Variants in PADI2 observed in about 807,000 individuals in gnomAD.
PADI2 encodes the protein protein-arginine deiminase type-2.
PADI2 carries 70 observed loss-of-function variants against 81.1 expected under a neutral mutation model. The observed-to-expected ratio is 0.86, with a 90% CI of 0.71 to 1.05. PADI2 has a LOEUF of 1.05. PADI2 is among the 50% of genes least tolerant of loss of function. The pLI is 0.00. For synonymous variants in PADI2, 338 were observed against 358.0 expected, an observed-to-expected ratio of 0.94 and a Z score of 0.63; for missense variants, 853 against 889.9, an observed-to-expected ratio of 0.96 and a Z score of 0.53.
intron 3 of PADI2, 100 bp from the exon 4 acceptor site, chr1:17,096,070 A>C (rs1930916364): frequency 9.4e-6 from 8 of 850,584 alleles, no homozygotes; most frequent in Non-Finnish European, 1.3e-5. Context: ...TCAGCCATTC[A>C]TTTGGTCACG....
intron 1 of PADI2, among the ~76,000 whole-genome samples, chr1:17,118,949 G>A (rs1030040566): frequency 2.0e-5 from 3 of 152,102 alleles, no homozygotes; most frequent in Non-Finnish European, 2.9e-5. Context: ...GGGAGAGGAC[G>A]GCAGGGAAGC....
In PADI2 at chr1:17,086,662, G is replaced by T; in HGVS notation, c.693C>A (p.Gly231=). The stretch of plus-strand genomic sequence containing the variant: ...TGACCACATGGTAGAGCTTCCGCCG[G>T]CCCAGGATGTGGATATAGCGTTGGC... ...FFGQRYIHIL[G]RRKLYHVVKY... is the part of the protein sequence containing the mutation. Residue 231 remains glycine, a synonymous_variant, in exon 7 of 16, where the codon GGC becomes GGA. Coordinates refer to ENST00000375486, the MANE Select transcript of PADI2 (RefSeq NM_007365.3). The T allele has an allele frequency of 3.1e-6, 5 of 1,614,038 alleles. No individual in the cohort carries two copies. The South Asian group carries it at 5.5e-5, about 18-fold the overall frequency.
rs1378461004 is a variant in PADI2, at chr1:17,068,538, G to T, written c.*506C>A. 4 of 164,316 alleles carry T rather than the reference G, an allele frequency of 2.4e-5. No individual in the cohort carries two copies. The highest frequency in any genetic ancestry group is 5.8e-5 in the Admixed American group (1 of 17,362). 10.2% of individuals were successfully genotyped at this position (164,316 alleles called of 1,614,324 possible). On this transcript the variant is annotated 3_prime_UTR_variant, in exon 16 of 16. Transcript: ENST00000375486. ...GGTTGGTAAGGAATGAATAATTGGG[G>T]GTGGCCACCTGGAAACCCTGAGGGA... is the stretch of plus-strand genomic sequence containing the variant.
Position 17,082,565 on chromosome 1 carries a change from A to G in PADI2, c.1138T>C (p.Phe380Leu). 1 of 1,611,510 alleles carries G rather than the reference A, an allele frequency of 6.2e-7. No individual in the cohort carries two copies. The highest frequency in any genetic ancestry group is 1.1e-5 in the South Asian group (1 of 91,006). The change falls in exon 10 of 16, where the codon TTC (phenylalanine) becomes CTC (leucine). Residue 380 changes from phenylalanine (F) to leucine (L), a missense_variant. Physicochemically the swap from Phe to Leu is conservative, Grantham distance 22. Transcript: ENST00000375486. The stretch of plus-strand genomic sequence containing the variant: ...CTTACCAGGAGCTCCTTCACAGGGA[A>G]GTCCTTTAGGTTTCCATCTCGGGGA... The part of the protein sequence containing the change: ...DSPRDGNLKD[F>L]PVKELLGPDF...
intron 1 of PADI2, among the ~76,000 whole-genome samples, chr1:17,114,999 G>A (rs1425610431): frequency 6.6e-6 from 1 of 152,138 alleles, no homozygotes; most frequent in Non-Finnish European, 1.5e-5. Context: ...CCCCCATCAT[G>A]GAAAACTGGA....
intron 4 of PADI2, 102 bp from the exon 5 acceptor site, chr1:17,093,786 G>A (rs906725484): frequency 3.3e-5 from 22 of 676,558 alleles, no homozygotes; most frequent in African/African-American, 1.4e-4. Context: ...AAGAGTAGCC[G>A]CCACCCACTG....
At chr1:17,107,019 G>A (rs1227541626) in intron 1 of PADI2, among the ~76,000 whole-genome samples, 1 of 152,156 alleles carries the variant, frequency 6.6e-6, no homozygotes, top group Non-Finnish European at 1.5e-5. Flanking sequence ...TTTTGTTGTT[G>A]GCTTAAGGAG....
At chr1:17,072,615 C>G (rs1232711971) in intron 13 of PADI2, among the ~76,000 whole-genome samples, 2 of 152,224 alleles carry the variant, frequency 1.3e-5, no homozygotes, top group Non-Finnish European at 2.9e-5. Flanking sequence ...CGCATCCTCT[C>G]TCTGTCTGTC....
At chr1:17,111,715 C>G (rs1280963434) in intron 1 of PADI2, among the ~76,000 whole-genome samples, 1 of 152,140 alleles carries the variant, frequency 6.6e-6, no homozygotes, top group Non-Finnish European at 1.5e-5. Context: ...TGGGGTGGGA[C>G]CTGAGAAACT....
intron 5 of PADI2, among the ~76,000 whole-genome samples, chr1:17,092,954 AAAAAAAAAAG>A (rs1415332030): frequency 3.3e-5 from 5 of 151,474 alleles, no homozygotes; most frequent in South Asian, 2.1e-4. Context: ...GTCTCAAAAA[AAAAAAAAAAG>A]AAAAAAAAAG....
At chr1:17,100,721 G>T (rs1324168784) in intron 3 of PADI2, among the ~76,000 whole-genome samples, 1 of 150,650 alleles carries the variant, frequency 6.6e-6, no homozygotes, top group Non-Finnish European at 1.5e-5. Context: ...GAGGGCAGTG[G>T]CACCATCTTG....
Position 17,119,414 on chromosome 1 carries a change from G to T in PADI2, c.-43C>A. On this transcript the variant is annotated 5_prime_UTR_variant, in exon 1 of 16. Coordinates refer to ENST00000375486, the MANE Select transcript of PADI2 (RefSeq NM_007365.3). The surrounding 1 kb of genome is among the most constrained non-coding windows in gnomAD (Gnocchi z 4.8). ...CCGCGCTCGCTGGTCCGGGGCGGCC[G>T]GGAGCACCTGCAGCAGGTGCGCCTT... is the stretch of plus-strand genomic sequence containing the variant. The T allele has an allele frequency of 1.4e-6, 2 of 1,433,518 alleles. No individual in the cohort carries two copies. Among genetic ancestry groups the T allele is most frequent in the Non-Finnish European group, 1.9e-6 (2 of 1,061,362 alleles). The allele number at this position is 1,433,518 out of a possible 1,614,324, so 88.8% of individuals were successfully genotyped here.
chr1:17,093,618 G>T lies in PADI2; in HGVS notation c.478C>A (p.Pro160Thr), dbSNP rs1013935356. 9 of 1,613,956 alleles carry T rather than the reference G, an allele frequency of 5.6e-6. No homozygotes were observed. In the African/African-American group the frequency reaches 6.7e-5, roughly 12 times the overall value. The change falls in exon 5 of 16, where the codon CCC (proline) becomes ACC (threonine). Residue 160 changes from proline (P) to threonine (T), a missense_variant. Pro to Thr is a conservative substitution (Grantham distance 38, BLOSUM62 -1). Coordinates refer to ENST00000375486, the MANE Select transcript of PADI2 (RefSeq NM_007365.3). The stretch of plus-strand genomic sequence containing the variant: ...CGGCAGTCCTCCTTGGGCAACCAGG[G>T]TGTCTCTCGGTCACAGTTCACCAGC... ...ILLVNCDRET[P>T]WLPKEDCRDE...
rs771750732 is a variant in PADI2 at position 17,079,366 on chromosome 1, G to T, written c.1208C>A (p.Thr403Asn). The T allele has an allele frequency of 6.2e-7, 1 of 1,614,054 alleles. No individual in the cohort carries two copies. The highest frequency in any genetic ancestry group is 1.7e-5 in the Admixed American group (1 of 60,016). Residue 403 changes from threonine (T) to asparagine (N), a missense_variant, in exon 11 of 16, where the codon ACC becomes AAC. By Grantham distance (65) the Thr-to-Asn change is moderately conservative (BLOSUM62 0). Transcript: ENST00000375486. ...VTREPLFESV[T>N]SLDSFGNLEV... is the part of the protein sequence containing the mutation. ...CAGGTTTCCAAATGAGTCAAGGCTG[G>T]TGACAGACTCAAAGAGGGGCTCCCG... is the stretch of plus-strand genomic sequence containing the variant.
rs896836066 is a variant in PADI2 at position 17,068,711 on chromosome 1, T to C, written c.*333A>G. ...GAATCTCCTTCCCTTCTCCCCTCAT[T>C]CAGTGTCAGATTAGAGACTCAAAAT... On this transcript the variant is annotated 3_prime_UTR_variant, in exon 16 of 16. Transcript: ENST00000375486. The C allele has an allele frequency of 3.6e-6, 1 of 280,874 alleles. No homozygotes were observed. The highest frequency in any genetic ancestry group is 8.2e-5 in the East Asian group (1 of 12,240). 17.4% of individuals were successfully genotyped at this position (280,874 alleles called of 1,614,324 possible).
chr1:17,069,230 G>A lies in PADI2; in HGVS notation c.1812C>T (p.Phe604=), dbSNP rs543303441. 1.5e-5 allele frequency: 25 copies of A among 1,614,236 alleles called. No homozygotes were observed. The highest frequency in any genetic ancestry group is 1.6e-4 in the Middle Eastern group (1 of 6,062). The stretch of plus-strand genomic sequence containing the variant: ...AGCATTCCTCCTCAACCTGTGGCCC[G>A]AATGGCTTGGGGATGCCCAGGTCCT... The part of the protein sequence containing the change: ...LDKDLGIPKP[F]GPQVEEECCL... The change falls in exon 16 of 16, where the codon TTC becomes TTT. Residue 604 remains phenylalanine, a synonymous_variant. Transcript: ENST00000375486.
chr1:17,086,681 C>T lies in PADI2; in HGVS notation c.674G>A (p.Arg225His), dbSNP rs138756249. The change falls in exon 7 of 16, where the codon CGC (arginine) becomes CAC (histidine). Residue 225 changes from arginine (R) to histidine (H), a missense_variant. Transcript: ENST00000375486. ...CCGCCGGCCCAGGATGTGGATATAG[C>T]GTTGGCCGAAGAACGGGTCTGGAGG... is the stretch of plus-strand genomic sequence containing the variant. ...FYVENPFFGQRYIHILGRRKL... is the reference protein window; with the variant it reads ...FYVENPFFGQHYIHILGRRKL... The T allele has an allele frequency of 1.5e-4, 246 of 1,613,902 alleles. No individual in the cohort carries two copies. The African/African-American group carries it at 1.8e-3, about 12-fold the overall frequency.
At chr1:17,085,170 C>T in intron 7 of PADI2, among the ~76,000 whole-genome samples, 1 of 152,192 alleles carries the variant, frequency 6.6e-6, no homozygotes, top group East Asian at 1.9e-4. Flanking sequence ...TGTATGTGGG[C>T]ATTTTCGCGT....
At chr1:17,116,499 C>T (rs1228918921) in intron 1 of PADI2, among the ~76,000 whole-genome samples, 1 of 152,124 alleles carries the variant, frequency 6.6e-6, no homozygotes, top group African/African-American at 2.4e-5. Flanking sequence ...CAGCAAAGGA[C>T]TCAGGGAAGA....
Sources: gnomAD v4.1 joint callset for allele counts (sites outside exome capture counted in the v4.1 genomes callset) on GRCh38, gnomAD v4.1.1 for gene constraint, Gnocchi (gnomAD v3.1) non-coding constraint, MANE v1.5 for transcripts, NCBI Gene and HGNC (gene_info 2026-07-23, HGNC 2026-07-21) for gene names.